PITPNC1: variants seen among roughly 807,000 people sequenced by gnomAD.
PITPNC1 encodes the protein phosphatidylinositol transfer protein cytoplasmic 1, also known as cytoplasmic phosphatidylinositol transfer protein 1.
In PITPNC1, 18 loss-of-function variants were observed where a neutral mutation model predicts 44.7. The observed-to-expected ratio is 0.40, with a 90% CI of 0.28 to 0.60. The LOEUF is 0.60. PITPNC1 is among the 20% of genes least tolerant of loss of function. The pLI, the probability that PITPNC1 is intolerant of heterozygous loss-of-function variation, is 0.39. For missense variants in PITPNC1, 290 were observed against 418.4 expected (o/e 0.69, Z 2.68); for synonymous variants, 141 against 149.6 (o/e 0.94, Z 0.42).
intron 4 of PITPNC1, among the ~76,000 whole-genome samples, chr17:67,558,844 A>T (rs999125696): frequency 6.6e-6 from 1 of 152,172 alleles, no homozygotes; most frequent in Non-Finnish European, 1.5e-5. Flanking sequence ...TGACTCTTTC[A>T]TGAGAACCTC....
At chr17:67,590,078 G>GA (rs1345258169) in intron 5 of PITPNC1, among the ~76,000 whole-genome samples, 1 of 152,174 alleles carries the variant, frequency 6.6e-6, no homozygotes, top group Non-Finnish European at 1.5e-5. Flanking sequence ...AAACGGGGTA[G>GA]AGATGGTGAG....
At chr17:67,660,180 A>T (rs997433770) in intron 6 of PITPNC1, among the ~76,000 whole-genome samples, 10 of 152,114 alleles carry the variant, frequency 6.6e-5, no homozygotes, top group African/African-American at 2.4e-4. Flanking sequence ...ACTGGCTGCT[A>T]TGCCATAAAT....
At chr17:67,437,083 C>T (rs2038948841) in intron 1 of PITPNC1, among the ~76,000 whole-genome samples, 1 of 151,610 alleles carries the variant, frequency 6.6e-6, no homozygotes, top group African/African-American at 2.4e-5. Context: ...CCATGGCTGG[C>T]TAATTTTTGC....
At chr17:67,418,415 C>T (rs1225441484) in intron 1 of PITPNC1, among the ~76,000 whole-genome samples, 1 of 152,110 alleles carries the variant, frequency 6.6e-6, no homozygotes, top group East Asian at 1.9e-4. Context: ...GTGTTTCATG[C>T]AAAAAGTTCC....
At chr17:67,623,743 A>G (rs928245050) in intron 5 of PITPNC1, among the ~76,000 whole-genome samples, 22 of 152,284 alleles carry the variant, frequency 1.4e-4, no homozygotes, top group African/African-American at 4.8e-4. Flanking sequence ...AAGTACAGAC[A>G]TTTTTCATCT....
At position 67,640,783 on chromosome 17, in the gene PITPNC1, A is replaced by G. The variant is rs143804265; in HGVS notation, c.462+8545A>G. 4.1e-3 allele frequency among the ~76,000 whole-genome samples: 616 copies of G among 151,760 alleles called. 4 individuals carry two copies. Among genetic ancestry groups the G allele is most frequent in the African/African-American group, 0.014 (586 of 41,382 alleles). ...GGCAGGCAGATTGCCTGAGCTCAGG[A>G]GTTCGAGACCAGCCAGGACAACATG... is the stretch of plus-strand genomic sequence containing the variant. On this transcript the variant is annotated intron_variant, in intron 6 of 8. Coordinates refer to ENST00000581322, the MANE Select transcript of PITPNC1 (RefSeq NM_012417.4).
At chr17:67,473,767 G>A (rs1878903075) in intron 1 of PITPNC1, among the ~76,000 whole-genome samples, 1 of 152,154 alleles carries the variant, frequency 6.6e-6, no homozygotes, top group African/African-American at 2.4e-5. Flanking sequence ...GGAGGGATGT[G>A]TTGAGCCTAT....
chr17:67,425,065 A>G (rs1412271960), intron 1 of PITPNC1, among the ~76,000 whole-genome samples: 2 of 151,970 alleles, frequency 1.3e-5, no homozygotes, highest in Non-Finnish European at 2.9e-5. Flanking sequence ...CCTGCAAAAC[A>G]TTCCTCCAAA....
intron 5 of PITPNC1, among the ~76,000 whole-genome samples, chr17:67,596,009 A>C (rs1293874737): frequency 1.3e-5 from 2 of 152,232 alleles, no homozygotes; most frequent in Non-Finnish European, 2.9e-5. Context: ...CTCAGGGGTA[A>C]AACCAAATAA....
intron 4 of PITPNC1, among the ~76,000 whole-genome samples, chr17:67,572,334 C>A (rs1446762508): frequency 6.6e-6 from 1 of 152,028 alleles, no homozygotes; most frequent in Admixed American, 6.6e-5. Flanking sequence ...GTTCCCGTCT[C>A]CCCATTGACA....
chr17:67,651,807 G>A (rs2042212442), intron 6 of PITPNC1, among the ~76,000 whole-genome samples: 1 of 152,142 alleles, frequency 6.6e-6, no homozygotes, highest in Admixed American at 6.5e-5. Flanking sequence ...CTTAATAAGT[G>A]GTCTTTGGGG....
At chr17:67,441,440 A>C (rs143198765) in intron 1 of PITPNC1, among the ~76,000 whole-genome samples, 9 of 152,330 alleles carry the variant, frequency 5.9e-5, no homozygotes, top group Non-Finnish European at 1.2e-4. Flanking sequence ...GGCTATGTAC[A>C]TATCGTGTGA....
chr17:67,669,802 TG>T (rs2042481674), intron 7 of PITPNC1, 139 bp downstream of exon 7: 2 of 621,810 alleles, frequency 3.2e-6, no homozygotes, highest in Non-Finnish European at 5.6e-6. Flanking sequence ...CCGGTTGGGG[TG>T]GCCAACACCT....
At chr17:67,483,175 C>T (rs1271048216) in intron 1 of PITPNC1, among the ~76,000 whole-genome samples, 2 of 152,128 alleles carry the variant, frequency 1.3e-5, no homozygotes, top group Non-Finnish European at 2.9e-5. Context: ...AGAAGAGCTG[C>T]AGAGATCATG....
rs141119716 is a variant in PITPNC1 at position 67,382,268 on chromosome 17, G to T, written c.48+4066G>T. Among the ~76,000 whole-genome samples, 18 of 152,004 alleles carry T rather than the reference G, an allele frequency of 1.2e-4. No homozygotes were observed. In the East Asian group the frequency reaches 3.5e-3, roughly 29 times the overall value. On this transcript the variant is annotated intron_variant, in intron 1 of 8. Coordinates refer to ENST00000581322, the MANE Select transcript of PITPNC1 (RefSeq NM_012417.4). ...AATGTTCTCTAGTTCCAGGAAAAAA[G>T]AACAGCTCTGGGCGATCAAGAAAAT...
At chr17:67,655,379 A>C (rs1206894261) in intron 6 of PITPNC1, among the ~76,000 whole-genome samples, 1 of 151,820 alleles carries the variant, frequency 6.6e-6, no homozygotes, top group African/African-American at 2.4e-5. Context: ...TAACACGGTG[A>C]AACCCCATCT....
In PITPNC1 at chr17:67,577,385, C is replaced by T. The variant is rs530454931; in HGVS notation, c.295-801C>T. Among the ~76,000 whole-genome samples, 16 of 151,838 alleles carry T rather than the reference C, an allele frequency of 1.1e-4. No homozygotes were observed. The East Asian group carries it at 1.6e-3, about 15-fold the overall frequency. On this transcript the variant is annotated intron_variant, in intron 4 of 8. Coordinates refer to ENST00000581322, the MANE Select transcript of PITPNC1 (RefSeq NM_012417.4). ...GGCAGATCTTTTGAGCTCAGGAGTT[C>T]GAGACCAGCCTGGCTAACATGGAGA...
intron 5 of PITPNC1, among the ~76,000 whole-genome samples, chr17:67,608,172 G>A (rs1031414028): frequency 2.4e-4 from 36 of 147,216 alleles, no homozygotes; most frequent in Admixed American, 9.0e-4. Context: ...ACATCTTGCC[G>A]ATTATCGCAA....
chr17:67,666,147 G>GT (rs34187454), intron 6 of PITPNC1, among the ~76,000 whole-genome samples: 75,693 of 151,848 alleles, frequency 0.5, 20,861 homozygotes, highest in Non-Finnish European at 0.62. Context: ...CTGGCCAAGT[G>GT]TTTTTTTGTT....
Sources: allele counts gnomAD v4.1 joint callset (sites outside exome capture counted in the v4.1 genomes callset), GRCh38; gene constraint gnomAD v4.1.1; transcripts MANE v1.5; gene names NCBI Gene and HGNC (gene_info 2026-07-23, HGNC 2026-07-21).